The following LHFPL3 variants were observed in gnomAD, a reference collection of about 807,000 sequenced individuals.
LHFPL3 encodes the protein LHFPL tetraspan subfamily member 3 protein.
Under a neutral mutation model 19.3 loss-of-function variants are expected in LHFPL3, and 5 were observed. The ratio of observed to expected loss-of-function variants is 0.26; its 90% CI spans 0.14 to 0.54. The LOEUF is 0.54. LHFPL3 is among the 20% of genes least tolerant of loss of function. The pLI is 0.94. For synonymous variants in LHFPL3, 133 were observed against 126.2 expected (o/e 1.05, Z -0.36); for missense variants, 249 against 307.4 (o/e 0.81, Z 1.42).
chr7:104,566,215 A>T (rs11765325), intron 1 of LHFPL3, among the ~76,000 whole-genome samples: 1 of 152,012 alleles, frequency 6.6e-6, no homozygotes, highest in Non-Finnish European at 1.5e-5. Context: ...GCCTGTCATG[A>T]TGGCATGCAC....
chr7:104,893,334 T>C (rs1429232565), intron 2 of LHFPL3, among the ~76,000 whole-genome samples: 6 of 151,586 alleles, frequency 4.0e-5, no homozygotes, highest in Non-Finnish European at 5.9e-5. Flanking sequence ...GCCAAAATGG[T>C]GAAACTTCAT....
intron 1 of LHFPL3, among the ~76,000 whole-genome samples, chr7:104,654,504 G>T (rs867111125): frequency 2.0e-5 from 3 of 152,166 alleles, no homozygotes; most frequent in Non-Finnish European, 4.4e-5. Context: ...ATAGCTGCAT[G>T]ACCTTGGGCA....
chr7:104,382,534 G>A (rs376459647), intron 1 of LHFPL3, among the ~76,000 whole-genome samples: 3 of 152,264 alleles, frequency 2.0e-5, no homozygotes, highest in South Asian at 2.1e-4. Context: ...CTTGCAAGTC[G>A]TTGATGCCTG....
At chr7:104,821,521 T>G (rs1371630558) in intron 2 of LHFPL3, among the ~76,000 whole-genome samples, 4 of 152,218 alleles carry the variant, frequency 2.6e-5, no homozygotes, top group African/African-American at 9.7e-5. Flanking sequence ...TCCCTACTGC[T>G]TCTCAGAGAG....
Position 104,723,742 on chromosome 7 carries a change from AAAAAAAAAAG to A in LHFPL3, c.446-12931_446-12922del, listed in dbSNP as rs1216659659. Among the ~76,000 whole-genome samples, 180 of 150,774 alleles carry A rather than the reference AAAAAAAAAAG, an allele frequency of 1.2e-3. 2 individuals are homozygous for A. Among genetic ancestry groups the A allele is most frequent in the African/African-American group, 4.3e-3 (176 of 41,146 alleles). ...GTCTCCAAAAAAAAAAAAAAAAAAA[AAAAAAAAAAG>A]ATGATCTCTGATATACTTCCAAAAA... On this transcript the variant is annotated intron_variant, in intron 1 of 2. Transcript: ENST00000424859.
intron 1 of LHFPL3, among the ~76,000 whole-genome samples, chr7:104,677,007 TAAAC>T (rs1010568202): frequency 6.6e-6 from 1 of 152,224 alleles, no homozygotes; most frequent in African/African-American, 2.4e-5. Flanking sequence ...CAGAATTGGC[TAAAC>T]AAACTATAGC....
chr7:104,568,744 C>T (rs34250422), intron 1 of LHFPL3, among the ~76,000 whole-genome samples: 10 of 152,126 alleles, frequency 6.6e-5, no homozygotes, highest in Non-Finnish European at 1.2e-4. Flanking sequence ...CATGACATGG[C>T]GCAGAGTGTA....
intron 1 of LHFPL3, among the ~76,000 whole-genome samples, chr7:104,672,599 C>T (rs1792506815): frequency 6.6e-6 from 1 of 152,228 alleles, no homozygotes; most frequent in South Asian, 2.1e-4. Context: ...ATCATAAGAT[C>T]ATGGATATGC....
At chr7:104,660,223 G>A (rs1325310602) in intron 1 of LHFPL3, among the ~76,000 whole-genome samples, 3 of 152,228 alleles carry the variant, frequency 2.0e-5, no homozygotes, top group Non-Finnish European at 2.9e-5. Flanking sequence ...GGATGGTCTC[G>A]ATCTCCTGAC....
At chr7:104,350,666 C>T (rs1179537069) in intron 1 of LHFPL3, among the ~76,000 whole-genome samples, 3 of 152,256 alleles carry the variant, frequency 2.0e-5, no homozygotes. Flanking sequence ...GACTGGCAGA[C>T]ACAAACAAGT....
At chr7:104,809,788 CCATTTAGT>C (rs1385719732) in intron 2 of LHFPL3, among the ~76,000 whole-genome samples, 7 of 152,272 alleles carry the variant, frequency 4.6e-5, no homozygotes, top group Admixed American at 1.3e-4. Context: ...TGAGTGTTAG[CCATTTAGT>C]CATTTAGTTA....
chr7:104,333,369 G>A (rs370796269), intron 1 of LHFPL3, among the ~76,000 whole-genome samples: 7 of 152,174 alleles, frequency 4.6e-5, no homozygotes, highest in South Asian at 2.1e-4. Context: ...AAAGATACTC[G>A]CTTTCATCTG....
chr7:104,788,218 T>C (rs1789959296), intron 2 of LHFPL3, among the ~76,000 whole-genome samples: 3 of 152,186 alleles, frequency 2.0e-5, no homozygotes. Context: ...TCAACTAATT[T>C]ATAGTCTAAT....
intron 2 of LHFPL3, among the ~76,000 whole-genome samples, chr7:104,819,002 C>T (rs899266453): frequency 6.6e-6 from 1 of 152,044 alleles, no homozygotes; most frequent in Admixed American, 6.6e-5. Context: ...CTATATAGAA[C>T]TTTATGAGAA....
chr7:104,632,910 C>A (rs1791669004), intron 1 of LHFPL3, among the ~76,000 whole-genome samples: 1 of 152,210 alleles, frequency 6.6e-6, no homozygotes, highest in African/African-American at 2.4e-5. Flanking sequence ...CCACCTTGGT[C>A]TCCCAAAGTG....
chr7:104,492,129 T>C (rs942573463), intron 1 of LHFPL3, among the ~76,000 whole-genome samples: 1 of 152,244 alleles, frequency 6.6e-6, no homozygotes, highest in African/African-American at 2.4e-5. Context: ...TTAAATATTT[T>C]TATGTTCTAG....
rs192609122 is a variant in LHFPL3 at position 104,890,692 on chromosome 7, G to A, written c.683-15495G>A. 7.9e-5 allele frequency among the ~76,000 whole-genome samples: 12 copies of A among 152,348 alleles called. No homozygotes were observed. The East Asian group carries it at 1.3e-3, about 17-fold the overall frequency. ...GGCCAGAGGCCATGGGAGAAATGGC[G>A]GGGAAGCCAGGCTCTTCTGTGGATG... On this transcript the variant is annotated intron_variant, in intron 2 of 2. Transcript: ENST00000424859.
chr7:104,384,125 AG>A (rs1375187604), intron 1 of LHFPL3, among the ~76,000 whole-genome samples: 1 of 152,222 alleles, frequency 6.6e-6, no homozygotes, highest in African/African-American at 2.4e-5. Flanking sequence ...ATGGTGACAA[AG>A]GATATTAAAT....
At chr7:104,457,913 CT>C (rs1361968347) in intron 1 of LHFPL3, among the ~76,000 whole-genome samples, 2 of 144,542 alleles carry the variant, frequency 1.4e-5, no homozygotes, top group Non-Finnish European at 3.0e-5. Flanking sequence ...TAAATGTCTT[CT>C]TTTGAGAAGT....
Sources: gnomAD v4.1 joint callset for allele counts (sites outside exome capture counted in the v4.1 genomes callset) on GRCh38, gnomAD v4.1.1 for gene constraint, MANE v1.5 for transcripts, NCBI Gene and HGNC (gene_info 2026-07-23, HGNC 2026-07-21) for gene names.